Variants in CEP164 observed in about 807,000 individuals in gnomAD.
CEP164 encodes centrosomal protein of 164 kDa.
In CEP164, 162 loss-of-function variants were observed where a neutral mutation model predicts 182.7. The observed-to-expected ratio is 0.89, with a 90% CI of 0.78 to 1.01. CEP164 has a LOEUF of 1.01. CEP164 is among the 50% of genes least tolerant of loss of function. CEP164 has a pLI of 0.00. For synonymous variants in CEP164, 661 were observed against 690.0 expected (o/e 0.96, Z 0.66); for missense variants, 1,735 against 1,790.4 (o/e 0.97, Z 0.56).
chr11:117,382,942 TGTAAGGGCCA>T lies in CEP164; in HGVS notation c.1724+3_1724+12del, dbSNP rs779087482. 1 of 1,612,052 alleles carries T rather than the reference TGTAAGGGCCA, an allele frequency of 6.2e-7. No homozygotes were observed. Among genetic ancestry groups the T allele is most frequent in the South Asian group, 1.1e-5 (1 of 90,942 alleles). ...CCCACCCCGCCAGTCTCTCCAGAGG[TGTAAGGGCCA>T]GTTTTGTGTGTCTGTCCCTGACCTC... On this transcript the variant is annotated splice_donor_variant and splice_donor_5th_base_variant and intron_variant, in intron 14 of 32. Transcript: ENST00000278935. LOFTEE classifies it high-confidence loss of function.
intron 1 of CEP164, among the ~76,000 whole-genome samples, chr11:117,332,020 T>G (rs1324364165): frequency 1.3e-5 from 2 of 150,416 alleles, no homozygotes; most frequent in Non-Finnish European, 2.9e-5. Context: ...AGACAGGGTC[T>G]TACTATATTG....
chr11:117,382,959 T>C lies in CEP164; in HGVS notation c.1724+17T>C. 1 of 1,610,140 alleles carries C rather than the reference T, an allele frequency of 6.2e-7. No homozygotes were observed. The highest frequency in any genetic ancestry group is 8.5e-7 in the Non-Finnish European group (1 of 1,178,292). ...TCCAGAGGTGTAAGGGCCAGTTTTG[T>C]GTGTCTGTCCCTGACCTCCACTGCG... On this transcript the variant is annotated intron_variant, in intron 14 of 32. Transcript: ENST00000278935.
chr11:117,405,661 G>A (rs2046594649), intron 27 of CEP164, among the ~76,000 whole-genome samples: 1 of 152,134 alleles, frequency 6.6e-6, no homozygotes, highest in South Asian at 2.1e-4. Context: ...CAAATTTTCT[G>A]AACTTTTATA....
At chr11:117,356,970 G>A (rs528720) in intron 5 of CEP164, among the ~76,000 whole-genome samples, 32,900 of 152,008 alleles carry the variant, frequency 0.22, 3,696 homozygotes, top group African/African-American at 0.27. Context: ...CTGGGATTTG[G>A]GAAGTTTTTC....
chr11:117,359,141 A>G (rs2040643407), intron 5 of CEP164, among the ~76,000 whole-genome samples: 1 of 152,032 alleles, frequency 6.6e-6, no homozygotes, highest in Non-Finnish European at 1.5e-5. Flanking sequence ...ACAGGGTTTT[A>G]CCATATTGGT....
intron 5 of CEP164, among the ~76,000 whole-genome samples, chr11:117,359,067 C>T (rs1252303402): frequency 6.6e-6 from 1 of 152,098 alleles, no homozygotes; most frequent in Non-Finnish European, 1.5e-5. Flanking sequence ...GCCTTAGCCT[C>T]CTCAGTAGCT....
At position 117,387,029 on chromosome 11, in the gene CEP164, A is replaced by G. The variant is rs2044042568; in HGVS notation, c.1725-174A>G. The G allele has an allele frequency of 3.0e-5, 19 of 629,782 alleles. No individual in the cohort carries two copies. The South Asian group carries it at 3.2e-4, about 11-fold the overall frequency. 39.0% of individuals were successfully genotyped at this position (629,782 alleles called of 1,614,324 possible). The stretch of plus-strand genomic sequence containing the variant: ...AAACAGCCACAATGGGGCTTGTCCT[A>G]TGGAACAAGCATTGACTGTATCTCT... On this transcript the variant is annotated intron_variant, in intron 14 of 32. Coordinates refer to ENST00000278935, the MANE Select transcript of CEP164 (RefSeq NM_014956.5).
rs865958420 is a variant in CEP164 at position 117,411,875 on chromosome 11, C to A, written c.4244C>A (p.Ala1415Asp). ...ACCACCTTTCAGGGCATAATTGAGG[C>A]CAACCGGAGGTGGCTGGAACGTGTC... ...GSTTFQGIIE[A>D]NRRWLERVKN... Residue 1415 changes from alanine (A) to aspartate (D), a missense_variant, in exon 32 of 33, where the codon GCC becomes GAC. Coordinates refer to ENST00000278935, the MANE Select transcript of CEP164 (RefSeq NM_014956.5). This position sits in a 1 kb window ranked among gnomAD's most constrained non-coding sequence, Gnocchi z 4.4. 1.2e-6 allele frequency: 2 copies of A among 1,614,044 alleles called. No individual in the cohort carries two copies. Among genetic ancestry groups the A allele is most frequent in the African/African-American group, 2.7e-5 (2 of 74,928 alleles).
intron 9 of CEP164, 95 bp downstream of exon 9, chr11:117,371,561 G>A (rs537094175): frequency 1.4e-6 from 2 of 1,449,080 alleles, no homozygotes; most frequent in Non-Finnish European, 1.8e-6. Flanking sequence ...CTTTATTACT[G>A]AGTCAGGAGC....
chr11:117,341,398 C>G (rs974503396), intron 3 of CEP164, among the ~76,000 whole-genome samples: 5 of 152,004 alleles, frequency 3.3e-5, no homozygotes, highest in African/African-American at 1.2e-4. Context: ...TTGCAGGGCT[C>G]TGTGACCTGG....
intron 4 of CEP164, among the ~76,000 whole-genome samples, chr11:117,348,653 T>G (rs951433892): frequency 7.9e-5 from 12 of 152,196 alleles, no homozygotes; most frequent in Admixed American, 1.3e-4. Flanking sequence ...AACATGAAAT[T>G]TACCATTTTA....
intron 3 of CEP164, among the ~76,000 whole-genome samples, chr11:117,342,637 G>A (rs775016448): frequency 2.7e-5 from 4 of 149,550 alleles, no homozygotes; most frequent in African/African-American, 7.4e-5. Flanking sequence ...CACCATGCCC[G>A]GCTACTTTTT....
At chr11:117,325,395 C>CT (rs1276169748), upstream of CEP164, among the ~76,000 whole-genome samples, 2 of 149,404 alleles carry the variant, frequency 1.3e-5, no homozygotes, top group African/African-American at 4.9e-5. Context: ...CTACTTTTTT[C>CT]TTTTTTTGAG....
At chr11:117,387,064 C>A in intron 14 of CEP164, 139 bp from the exon 15 acceptor site, 1 of 759,564 alleles carries the variant, frequency 1.3e-6, no homozygotes, top group East Asian at 2.5e-5. Context: ...TTGGCCTGCC[C>A]TTGGGTGACC....
In CEP164 at chr11:117,409,408, T is replaced by C. The variant is rs2047068923; in HGVS notation, c.3749-210T>C. 1 of 594,640 alleles carries C rather than the reference T, an allele frequency of 1.7e-6. No homozygotes were observed. The highest frequency in any genetic ancestry group is 3.0e-5 in the Admixed American group (1 of 32,934). The allele number at this position is 594,640 out of a possible 1,614,324, so 36.8% of individuals were successfully genotyped here. On this transcript the variant is annotated intron_variant, in intron 29 of 32. Transcript: ENST00000278935. The surrounding 1 kb of genome is among the most constrained non-coding windows in gnomAD (Gnocchi z 4.4). The stretch of plus-strand genomic sequence containing the variant: ...GGGCCCTTCACCCAGCACCTTGCCC[T>C]GGAAACCTGTTTCTCATGGCCAGCT...
chr11:117,377,418 T>G (rs147473204), intron 11 of CEP164, among the ~76,000 whole-genome samples: 3 of 152,200 alleles, frequency 2.0e-5, no homozygotes, highest in Non-Finnish European at 4.4e-5. Context: ...CCTTGTGACC[T>G]GCCTGTTGTG....
At chr11:117,385,126 C>G (rs1008197255) in intron 14 of CEP164, 37 of 152,338 alleles carry the variant, frequency 2.4e-4, no homozygotes, top group African/African-American at 9.6e-5. Context: ...CCTCCGCTCT[C>G]TTTCTTCCCT....
chr11:117,325,486 A>G (rs1358088469), upstream of CEP164, among the ~76,000 whole-genome samples: 1 of 152,018 alleles, frequency 6.6e-6, no homozygotes, highest in Admixed American at 6.5e-5. Flanking sequence ...CCTGGGTTCA[A>G]GCGATTCTCC....
chr11:117,355,441 C>T (rs1435668691), intron 5 of CEP164: 4 of 1,289,670 alleles, frequency 3.1e-6, no homozygotes, highest in East Asian at 5.5e-5. Flanking sequence ...TTTCTGAAGC[C>T]ATCAAAGGCC....
Sources: gnomAD v4.1 joint callset for allele counts (sites outside exome capture counted in the v4.1 genomes callset) on GRCh38, gnomAD v4.1.1 for gene constraint, Gnocchi (gnomAD v3.1) non-coding constraint, MANE v1.5 for transcripts, NCBI Gene and HGNC (gene_info 2026-07-23, HGNC 2026-07-21) for gene names.